Variants in PARG observed in about 807,000 individuals in gnomAD.
The protein encoded by PARG is mitochondrial poly(ADP-ribose) glycohydrolase.
In PARG, 35 loss-of-function variants were observed where a neutral mutation model predicts 113.0. The ratio of observed to expected loss-of-function variants is 0.31; its 90% CI spans 0.24 to 0.41. The LOEUF (loss-of-function observed/expected upper bound fraction) is 0.41, where lower values mean the gene tolerates loss of function less well. PARG is among the 10% of genes least tolerant of loss of function. The pLI is 1.00. For synonymous variants in PARG, 330 were observed against 409.9 expected (o/e 0.81, Z 2.36); for missense variants, 797 against 1,169.4 (o/e 0.68, Z 4.64).
At chr10:49,923,834 A>G (rs1301317093) in intron 4 of PARG, among the ~76,000 whole-genome samples, 1 of 152,124 alleles carries the variant, frequency 6.6e-6, no homozygotes, top group African/African-American at 2.4e-5. Context: ...GAATACCTCA[A>G]GCAAGCATAT....
At chr10:49,905,703 A>T (rs1554844767) in intron 7 of PARG, among the ~76,000 whole-genome samples, 1 of 152,124 alleles carries the variant, frequency 6.6e-6, no homozygotes, top group Non-Finnish European at 1.5e-5. Flanking sequence ...TTTGCGTAAT[A>T]CAACCTGGGA....
chr10:49,907,340 T>C (rs1201940908), intron 7 of PARG, among the ~76,000 whole-genome samples: 3 of 152,134 alleles, frequency 2.0e-5, no homozygotes, highest in Non-Finnish European at 4.4e-5. Context: ...TCACAATAAA[T>C]CGAGGATGAG....
chr10:49,904,902 C>A (rs1226673018), intron 7 of PARG, among the ~76,000 whole-genome samples: 2 of 149,060 alleles, frequency 1.3e-5, no homozygotes, highest in East Asian at 3.9e-4. Context: ...CGCAACAGAC[C>A]AAGAGAACAT....
intron 7 of PARG, among the ~76,000 whole-genome samples, chr10:49,914,866 G>A (rs1229111429): frequency 1.3e-5 from 2 of 152,120 alleles, no homozygotes; most frequent in African/African-American, 4.8e-5. Context: ...ATGGTGCTGG[G>A]ACAACTTGTT....
At chr10:49,838,393 T>G (rs1213177939) in intron 15 of PARG, among the ~76,000 whole-genome samples, 1 of 136,562 alleles carries the variant, frequency 7.3e-6, no homozygotes, top group Non-Finnish European at 1.5e-5. Context: ...ATCATGCCAT[T>G]GCACTCCAGC....
At chr10:49,862,812 G>T (rs1224831286) in intron 11 of PARG, among the ~76,000 whole-genome samples, 2 of 151,990 alleles carry the variant, frequency 1.3e-5, no homozygotes, top group African/African-American at 4.8e-5. Context: ...GTAGAAAACA[G>T]TATCGTAAGT....
At chr10:49,825,920 T>C (rs1408896102) in intron 16 of PARG, among the ~76,000 whole-genome samples, 1 of 152,244 alleles carries the variant, frequency 6.6e-6, no homozygotes, top group Non-Finnish European at 1.5e-5. Context: ...ATCCCTCATC[T>C]GAAATGTTTG....
rs1837315544 is a variant in PARG at position 49,913,634 on chromosome 10, G to A, written c.1737+2283C>T. Among the ~76,000 whole-genome samples, 3 of 152,278 alleles carry A rather than the reference G, an allele frequency of 2.0e-5. No individual in the cohort carries two copies. In the South Asian group the frequency reaches 6.2e-4, roughly 32 times the overall value. ...ATCAGAAGGTCTGGTTGAGGGCGGT[G>A]GCTCACACCTGTAATCCCAGCACTT... is the stretch of plus-strand genomic sequence containing the variant. On this transcript the variant is annotated intron_variant, in intron 7 of 17. Coordinates refer to ENST00000616448, the MANE Select transcript of PARG (RefSeq NM_003631.5).
chr10:49,921,969 T>C (rs1837897960), intron 6 of PARG, among the ~76,000 whole-genome samples: 1 of 152,196 alleles, frequency 6.6e-6, no homozygotes, highest in Admixed American at 6.5e-5. Flanking sequence ...AGCTTCCCTT[T>C]GGGCAAATAT....
intron 13 of PARG, among the ~76,000 whole-genome samples, chr10:49,846,946 G>T (rs1165370120): frequency 1.3e-5 from 2 of 151,590 alleles, no homozygotes; most frequent in Non-Finnish European, 2.9e-5. Flanking sequence ...GTGCATTAAA[G>T]AATGATGGGC....
intron 9 of PARG, among the ~76,000 whole-genome samples, chr10:49,869,933 A>G (rs1846711460): frequency 6.6e-6 from 1 of 152,150 alleles, no homozygotes; most frequent in Non-Finnish European, 1.5e-5. Context: ...GTAGTTTGAT[A>G]AGTAACAAAA....
At position 49,818,322 on chromosome 10, in the gene PARG, CA is replaced by C. The variant is rs1401437772; in HGVS notation, c.*1017del. ...ATTTTATTTAGATTTTATGTGCTCA[CA>C]TATAGACACACTTAAAGAGCATACG... is the stretch of plus-strand genomic sequence containing the variant. On this transcript the variant is annotated 3_prime_UTR_variant, in exon 18 of 18. Coordinates refer to ENST00000616448, the MANE Select transcript of PARG (RefSeq NM_003631.5). The C allele has an allele frequency of 4.6e-5, 7 of 152,392 alleles. No individual in the cohort carries two copies. In the South Asian group the frequency reaches 8.3e-4, roughly 18 times the overall value. The allele number at this position is 152,392 out of a possible 1,614,324, so 9.4% of individuals were successfully genotyped here. A position where few individuals can be genotyped will look rare whatever the true frequency, so the allele number is the denominator to read the frequency against.
Position 49,908,972 on chromosome 10 carries a change from G to A in PARG, c.1737+6945C>T, listed in dbSNP as rs1837015375. Among the ~76,000 whole-genome samples, 4 of 152,120 alleles carry A rather than the reference G, an allele frequency of 2.6e-5. No individual in the cohort carries two copies. In the South Asian group the frequency reaches 8.3e-4, roughly 32 times the overall value. On this transcript the variant is annotated intron_variant, in intron 7 of 17. Coordinates refer to ENST00000616448, the MANE Select transcript of PARG (RefSeq NM_003631.5). ...GTTTATAGACAGTTTATAGGATAAA[G>A]GGGTGGGGATAGGAGGAATGAAGAG...
chr10:49,917,181 A>G (rs1165602301), intron 6 of PARG, among the ~76,000 whole-genome samples: 1 of 152,142 alleles, frequency 6.6e-6, no homozygotes, highest in Admixed American at 6.5e-5. Context: ...CATACATAAC[A>G]TTTTCCATTA....
chr10:49,856,356 T>C (rs1441151841), intron 13 of PARG, among the ~76,000 whole-genome samples: 1 of 151,556 alleles, frequency 6.6e-6, no homozygotes, highest in Non-Finnish European at 1.5e-5. Flanking sequence ...ATTTTTGTAT[T>C]TTTAGTAGAG....
chr10:49,835,940 G>A (rs75467767), intron 15 of PARG, among the ~76,000 whole-genome samples: 6 of 152,068 alleles, frequency 3.9e-5, no homozygotes, highest in African/African-American at 1.2e-4. Context: ...CTACCGTTGC[G>A]TCACAGCTGC....
chr10:49,891,590 CATATATATATATAT>C (rs1211471476), intron 7 of PARG, among the ~76,000 whole-genome samples: 2 of 48,610 alleles, frequency 4.1e-5, no homozygotes, highest in Non-Finnish European at 6.4e-5. Context: ...TCCTATGGTC[CATATATATATATAT>C]ATATATATAT....
At chr10:49,889,539 A>G (rs1847665031) in intron 7 of PARG, among the ~76,000 whole-genome samples, 1 of 152,166 alleles carries the variant, frequency 6.6e-6, no homozygotes. Flanking sequence ...CTAGGGTCCC[A>G]TAGTCCCTGC....
At chr10:49,842,656 T>C (rs1238752748) in intron 14 of PARG, among the ~76,000 whole-genome samples, 1 of 152,258 alleles carries the variant, frequency 6.6e-6, no homozygotes, top group Non-Finnish European at 1.5e-5. Context: ...AAGGACTGGT[T>C]GAGATGATAA....
Sources: gnomAD v4.1 joint callset for allele counts (sites outside exome capture counted in the v4.1 genomes callset) on GRCh38, gnomAD v4.1.1 for gene constraint, MANE v1.5 for transcripts, NCBI Gene and HGNC (gene_info 2026-07-23, HGNC 2026-07-21) for gene names.